The following THADA variants were observed in gnomAD, a reference collection of about 807,000 sequenced individuals.
THADA encodes the protein THADA armadillo repeat containing, also known as tRNA (32-2'-O)-methyltransferase regulator THADA.
Under a neutral mutation model 219.8 loss-of-function variants are expected in THADA, and 213 were observed. That is an observed-to-expected ratio of 0.97 (90% confidence interval 0.87 to 1.09). THADA has a LOEUF of 1.09. Among genes scored for constraint, THADA ranks in the 50% least tolerant of loss-of-function variants. The pLI, the probability that THADA is intolerant of heterozygous loss-of-function variation, is 0.00. For missense variants in THADA, 2,956 were observed against 2,311.3 expected, an observed-to-expected ratio of 1.28 and a Z score of -5.72; for synonymous variants, 1,018 against 828.9, an observed-to-expected ratio of 1.23 and a Z score of -3.92.
At chr2:43,407,272 T>G (rs1055910455) in intron 28 of THADA, among the ~76,000 whole-genome samples, 2 of 152,194 alleles carry the variant, frequency 1.3e-5, no homozygotes, top group Admixed American at 6.5e-5. Flanking sequence ...CACAAAGGAA[T>G]AGAGAGAATT....
chr2:43,492,636 A>C (rs888992137), intron 25 of THADA, among the ~76,000 whole-genome samples: 1 of 152,202 alleles, frequency 6.6e-6, no homozygotes, highest in African/African-American at 2.4e-5. Context: ...ATATTTTCTG[A>C]GAAAACTAAA....
chr2:43,239,011 G>A (rs1459246797), intron 36 of THADA, among the ~76,000 whole-genome samples: 2 of 152,296 alleles, frequency 1.3e-5, no homozygotes, highest in East Asian at 3.9e-4. Flanking sequence ...TCTTCCTGGA[G>A]TGCTTCAAAT....
chr2:43,326,168 A>G (rs1285885200), intron 30 of THADA, among the ~76,000 whole-genome samples: 1 of 86,748 alleles, frequency 1.2e-5, no homozygotes, highest in Non-Finnish European at 2.3e-5. Flanking sequence ...TGTCTGTCAA[A>G]AAAAAAAAAA....
rs1156747333 is a variant in THADA at position 43,485,260 on chromosome 2, T to A, written c.3810A>T (p.Ala1270=). 27 of 1,612,914 alleles carry A rather than the reference T, an allele frequency of 1.7e-5. No individual in the cohort carries two copies. The highest frequency in any genetic ancestry group is 4.0e-5 in the African/African-American group (3 of 74,900). ...LITRIFGVKR[A]KDEHSKTNRM... ...TATTTGTTTTGGAATGTTCATCCTT[T>A]GCCCTTTTAACTCCAAAAATTCTTG... Residue 1270 remains alanine (A), a synonymous_variant, in exon 26 of 38, where the codon GCA becomes GCT. Coordinates refer to ENST00000405975, the MANE Select transcript of THADA (RefSeq NM_022065.5).
intron 36 of THADA, among the ~76,000 whole-genome samples, chr2:43,273,497 G>A (rs979431819): frequency 2.6e-5 from 4 of 152,288 alleles, no homozygotes; most frequent in South Asian, 2.1e-4. Flanking sequence ...CTTTGAAGGC[G>A]ATATACCTGA....
chr2:43,337,571 G>A (rs1666602642), intron 30 of THADA, among the ~76,000 whole-genome samples: 1 of 152,170 alleles, frequency 6.6e-6, no homozygotes, highest in African/African-American at 2.4e-5. Context: ...TTGGTAGGCA[G>A]ATGGACTTTT....
chr2:43,572,928 C>T lies in THADA; in HGVS notation c.1794G>A (p.Met598Ile), dbSNP rs1699458641. ...CNSRGALGALMACLRIARAHG... is the reference protein window; with the variant it reads ...CNSRGALGALIACLRIARAHG... ...GAGCTCTAGCTATTCGCAGACATGC[C>T]ATCAAAGCTCCCAGAGCCCCCCTGC... The change falls in exon 12 of 38, where the codon ATG (methionine) becomes ATA (isoleucine). Residue 598 changes from methionine (M) to isoleucine (I), a missense_variant. Physicochemically the swap from Met to Ile is conservative, Grantham distance 10. Coordinates refer to ENST00000405975, the MANE Select transcript of THADA (RefSeq NM_022065.5). 1 of 1,613,950 alleles carries T rather than the reference C, an allele frequency of 6.2e-7. No individual in the cohort carries two copies. The highest frequency in any genetic ancestry group is 8.5e-7 in the Non-Finnish European group (1 of 1,179,858).
intron 31 of THADA, among the ~76,000 whole-genome samples, chr2:43,311,069 G>T (rs867941255): frequency 4.6e-5 from 7 of 152,224 alleles, no homozygotes; most frequent in Middle Eastern, 6.8e-3. Context: ...CCAGCTACTT[G>T]GGAGGCTGAG....
chr2:43,268,330 A>C (rs1671757295), intron 36 of THADA, among the ~76,000 whole-genome samples: 1 of 152,128 alleles, frequency 6.6e-6, no homozygotes, highest in Admixed American at 6.5e-5. Context: ...TGTACTCTTT[A>C]CAAACAGACA....
Position 43,551,850 on chromosome 2 carries a change from C to T in THADA, c.2886G>A (p.Val962=). 1.9e-6 allele frequency: 3 copies of T among 1,613,826 alleles called. No homozygotes were observed. Among genetic ancestry groups the T allele is most frequent in the South Asian group, 2.2e-5 (2 of 91,066 alleles). ...LLLMSYRLST[V]VSPVIQSSSP... is the part of the protein sequence containing the mutation. The stretch of plus-strand genomic sequence containing the variant: ...ATGAGCTCTGAATGACTGGAGACAC[C>T]ACAGTGGAAAGCCTGTAGGACATCA... The change falls in exon 19 of 38, where the codon GTG becomes GTA. Residue 962 remains valine (V), a synonymous_variant. Coordinates refer to ENST00000405975, the MANE Select transcript of THADA (RefSeq NM_022065.5).
At chr2:43,485,120 A>G (rs1686748683) in intron 26 of THADA, 114 bp downstream of exon 26, 5 of 721,526 alleles carry the variant, frequency 6.9e-6, no homozygotes, top group Non-Finnish European at 1.1e-5. Context: ...GTATTTTTAT[A>G]GTTTTATGCT....
intron 22 of THADA, among the ~76,000 whole-genome samples, chr2:43,512,777 C>T (rs549345162): frequency 6.6e-6 from 1 of 152,340 alleles, no homozygotes; most frequent in African/African-American, 2.4e-5. Context: ...GCTGGGATTA[C>T]AGGCGTGAGC....
Position 43,292,242 on chromosome 2 carries a change from A to G in THADA, c.4819-20T>C. ...CAGTATCTGTGTAAGCCAAATCCGC[A>G]CACAAAAAAGAGAAATAAATACTCA... On this transcript the variant is annotated intron_variant, in intron 32 of 37. Coordinates refer to ENST00000405975, the MANE Select transcript of THADA (RefSeq NM_022065.5). 2.7e-6 allele frequency: 4 copies of G among 1,489,016 alleles called. No homozygotes were observed. Among genetic ancestry groups the G allele is most frequent in the Non-Finnish European group, 3.7e-6 (4 of 1,093,028 alleles). The allele number at this position is 1,489,016 out of a possible 1,614,324, so 92.2% of individuals were successfully genotyped here. A position where few individuals can be genotyped will look rare whatever the true frequency, so the allele number is the denominator to read the frequency against.
At chr2:43,464,328 A>G (rs1027132939) in intron 26 of THADA, among the ~76,000 whole-genome samples, 6 of 152,190 alleles carry the variant, frequency 3.9e-5, no homozygotes, top group African/African-American at 1.4e-4. Flanking sequence ...TTAAAAAAAA[A>G]AGTAACAAAA....
intron 26 of THADA, among the ~76,000 whole-genome samples, chr2:43,467,993 G>A (rs1214699750): frequency 1.3e-5 from 2 of 152,194 alleles, no homozygotes; most frequent in African/African-American, 4.8e-5. Context: ...TTGGTTAACT[G>A]TTATGCTTGG....
At chr2:43,382,155 T>C (rs1219038185) in intron 29 of THADA, among the ~76,000 whole-genome samples, 1 of 152,078 alleles carries the variant, frequency 6.6e-6, no homozygotes, top group African/African-American at 2.4e-5. Context: ...CATCTAAATG[T>C]AATGTGGTAA....
chr2:43,259,870 T>A (rs1670743199), intron 36 of THADA, among the ~76,000 whole-genome samples: 1 of 152,256 alleles, frequency 6.6e-6, no homozygotes, highest in Admixed American at 6.5e-5. Flanking sequence ...TCAATTGGCA[T>A]ACACATTTAA....
At chr2:43,447,203 C>T (rs1186834519) in intron 26 of THADA, among the ~76,000 whole-genome samples, 1 of 152,078 alleles carries the variant, frequency 6.6e-6, no homozygotes, top group Non-Finnish European at 1.5e-5. Context: ...TCAATTACCT[C>T]CCACCAGTTC....
At chr2:43,294,915 G>A (rs899338946) in intron 31 of THADA, among the ~76,000 whole-genome samples, 4 of 152,048 alleles carry the variant, frequency 2.6e-5, no homozygotes, top group South Asian at 2.1e-4. Context: ...TAGGAGTCTC[G>A]GGTACCTCCC....
Sources: allele counts gnomAD v4.1 joint callset (sites outside exome capture counted in the v4.1 genomes callset), GRCh38; gene constraint gnomAD v4.1.1; transcripts MANE v1.5; gene names NCBI Gene and HGNC (gene_info 2026-07-23, HGNC 2026-07-21).